PHF24: variants seen among roughly 807,000 people sequenced by gnomAD.
PHF24 encodes Galpha inhibitory interacting protein.
PHF24 carries 25 observed loss-of-function variants against 42.6 expected under a neutral mutation model. The observed-to-expected ratio is 0.59, with a 90% CI of 0.43 to 0.82. The LOEUF (loss-of-function observed/expected upper bound fraction) is 0.82, where lower values mean the gene tolerates loss of function less well. Among genes scored for constraint, PHF24 ranks in the 40% least tolerant of loss-of-function variants. The pLI, the probability that PHF24 is intolerant of heterozygous loss-of-function variation, is 0.00. For synonymous variants in PHF24, 185 were observed against 204.8 expected (o/e 0.90, Z 0.83); for missense variants, 470 against 538.1 (o/e 0.87, Z 1.25).
chr9:34,959,421 C>T (rs1826512214), intron 1 of PHF24, among the ~76,000 whole-genome samples: 1 of 152,114 alleles, frequency 6.6e-6, no homozygotes, highest in African/African-American at 2.4e-5. Context: ...TAGCAATTTG[C>T]CCAAGGTCAC....
chr9:34,725,091 G>A, the PHF24 span: 3 of 1,551,508 alleles, frequency 1.9e-6, no homozygotes, highest in Non-Finnish European at 2.6e-6. Flanking sequence ...TGGCTTTCTG[G>A]AATGCAGGGA....
rs199971335 is a variant in PHF24, at chr9:34,967,940, AC to A, written c.-4-3354del. Reference sequence around the variant, plus strand: ...GAACTAAAGCCCAAAGCAACCAGCAACAGGTTCTGAATCATAGAACAGGGGA... The same window carrying A: ...GAACTAAAGCCCAAAGCAACCAGCAAAGGTTCTGAATCATAGAACAGGGGA... On this transcript the variant is annotated intron_variant, in intron 1 of 7. Transcript: ENST00000242315. Among the ~76,000 whole-genome samples, 1,021 of 152,358 alleles carry A rather than the reference AC, an allele frequency of 6.7e-3. 12 individuals carry two copies. The highest frequency in any genetic ancestry group is 0.022 in the African/African-American group (930 of 41,570).
chr9:34,810,733 G>T, the PHF24 span, among the ~76,000 whole-genome samples: 1 of 152,124 alleles, frequency 6.6e-6, no homozygotes, highest in African/African-American at 2.4e-5. Context: ...TGACCACCGT[G>T]GCCCAGAGGT....
At chr9:34,774,054 A>T in the PHF24 span, among the ~76,000 whole-genome samples, 1 of 152,224 alleles carries the variant, frequency 6.6e-6, no homozygotes, top group Non-Finnish European at 1.5e-5. Flanking sequence ...TACATGCAAA[A>T]ATGCAGCTGG....
At chr9:34,976,702 C>T in exon 5 of PHF24, 1 of 1,614,094 alleles carries the variant, frequency 6.2e-7, no homozygotes, top group South Asian at 1.1e-5. Flanking sequence ...CTTCTTGTCC[C>T]ATGAGTCCCT....
chr9:34,701,196 G>T, the PHF24 span, among the ~76,000 whole-genome samples: 1 of 152,066 alleles, frequency 6.6e-6, no homozygotes, highest in Non-Finnish European at 1.5e-5. This position sits in a 1 kb window ranked among gnomAD's most constrained non-coding sequence, Gnocchi z 5.8. Flanking sequence ...CCAAATCCCC[G>T]CCCCAGGGGT....
the PHF24 span, among the ~76,000 whole-genome samples, chr9:34,853,842 A>G: frequency 6.7e-6 from 1 of 150,254 alleles, no homozygotes; most frequent in African/African-American, 2.4e-5. Context: ...AAAAAAAAAA[A>G]AAAAGAAATG....
chr9:34,741,149 G>A, the PHF24 span, among the ~76,000 whole-genome samples: 1 of 151,992 alleles, frequency 6.6e-6, no homozygotes, highest in African/African-American at 2.4e-5. Flanking sequence ...GCCTCCCAAA[G>A]TGTTGGGATT....
the PHF24 span, among the ~76,000 whole-genome samples, chr9:34,831,356 G>A: frequency 2.0e-5 from 3 of 152,182 alleles, no homozygotes; most frequent in Admixed American, 1.3e-4. Context: ...AAGGATCATG[G>A]CAAGGAGAGT....
the PHF24 span, among the ~76,000 whole-genome samples, chr9:34,921,644 A>G: frequency 9.6e-3 from 1,455 of 152,342 alleles, 7 homozygotes; most frequent in Non-Finnish European, 0.014. Context: ...GTCTAAAGGA[A>G]CACTTCTGCA....
chr9:34,881,993 A>G, the PHF24 span, among the ~76,000 whole-genome samples: 3 of 152,210 alleles, frequency 2.0e-5, no homozygotes, highest in Non-Finnish European at 2.9e-5. Context: ...ATCCAGCAGC[A>G]CATCAAAAAG....
At chr9:34,836,010 T>C in the PHF24 span, 2 of 661,990 alleles carry the variant, frequency 3.0e-6, no homozygotes, top group East Asian at 3.1e-5. Context: ...GATCTGTACA[T>C]AGGATTCGCC....
At chr9:34,954,235 G>A (rs956844726), upstream of PHF24, among the ~76,000 whole-genome samples, 1 of 152,176 alleles carries the variant, frequency 6.6e-6, no homozygotes, top group Non-Finnish European at 1.5e-5. Context: ...AGCAGCAGTG[G>A]GTAGGTCTTT....
At chr9:34,684,078 C>A in the PHF24 span, among the ~76,000 whole-genome samples, 1 of 152,218 alleles carries the variant, frequency 6.6e-6, no homozygotes, top group African/African-American at 2.4e-5. Context: ...AACTCCTTTT[C>A]TGTTGGAATC....
chr9:34,894,481 C>G, the PHF24 span: 1 of 398,520 alleles, frequency 2.5e-6, no homozygotes, highest in African/African-American at 2.1e-5. Flanking sequence ...TTCTCGGCTT[C>G]TTCCTGTGAA....
At position 34,958,502 on chromosome 9, in the gene PHF24, C is replaced by T. The variant is rs1587455715; in HGVS notation, c.-5+101C>T. ...GACTCTGAGGTGCTTGTGTGGGAGCCGCCTCCAAGGTGGCCCCCCTGTGTC... is the reference window on the plus strand; with the variant it reads ...GACTCTGAGGTGCTTGTGTGGGAGCTGCCTCCAAGGTGGCCCCCCTGTGTC... On this transcript the variant is annotated intron_variant, in intron 1 of 7. Coordinates refer to ENST00000242315, the Ensembl canonical transcript of PHF24. The surrounding 1 kb of genome is among the most constrained non-coding windows in gnomAD (Gnocchi z 4.5). The T allele has an allele frequency of 6.8e-6, 1 of 146,116 alleles. No homozygotes were observed. Among genetic ancestry groups the T allele is most frequent in the Admixed American group, 6.8e-5 (1 of 14,620 alleles). 9.1% of individuals were successfully genotyped at this position (146,116 alleles called of 1,614,324 possible). A position where few individuals can be genotyped will look rare whatever the true frequency, so the allele number is the denominator to read the frequency against.
At chr9:34,897,071 G>A in the PHF24 span, among the ~76,000 whole-genome samples, 4 of 152,082 alleles carry the variant, frequency 2.6e-5, no homozygotes, top group African/African-American at 4.8e-5. Flanking sequence ...CAGGAGAATC[G>A]CTTGAACCCA....
At chr9:34,837,933 A>G in the PHF24 span, among the ~76,000 whole-genome samples, 1 of 152,208 alleles carries the variant, frequency 6.6e-6, no homozygotes, top group African/African-American at 2.4e-5. Context: ...ATTCCCAGAT[A>G]AGTCCTGCTG....
chr9:34,789,577 G>T, the PHF24 span, among the ~76,000 whole-genome samples: 1 of 152,188 alleles, frequency 6.6e-6, no homozygotes, highest in Admixed American at 6.5e-5. Flanking sequence ...CTTCACACTG[G>T]AGGAACTCAT....
Sources: gnomAD v4.1 joint callset for allele counts (sites outside exome capture counted in the v4.1 genomes callset) on GRCh38, gnomAD v4.1.1 for gene constraint, Gnocchi (gnomAD v3.1) non-coding constraint, MANE v1.5 for transcripts, NCBI Gene and HGNC (gene_info 2026-07-23, HGNC 2026-07-21) for gene names.